The following PFKFB3 variants were observed in gnomAD, a reference collection of about 807,000 sequenced individuals.
The protein encoded by PFKFB3 is 6-phosphofructo-2-kinase/fructose-2,6-biphosphatase 3, also known as 6-phosphofructo-2-kinase/fructose-2,6-bisphosphatase 3.
In PFKFB3, 33 loss-of-function variants were observed where a neutral mutation model predicts 68.0. The observed-to-expected ratio is 0.49, with a 90% CI of 0.37 to 0.65. PFKFB3 has a LOEUF of 0.65. Among genes scored for constraint, PFKFB3 ranks in the 30% least tolerant of loss-of-function variants. PFKFB3 has a pLI of 0.00. For missense variants in PFKFB3, 586 were observed against 712.2 expected (o/e 0.82, Z 2.02); for synonymous variants, 315 against 288.2 (o/e 1.09, Z -0.94).
intron 14 of PFKFB3, among the ~76,000 whole-genome samples, chr10:6,245,518 G>T (rs977496671): frequency 6.6e-6 from 1 of 151,942 alleles, no homozygotes; most frequent in African/African-American, 2.4e-5. Flanking sequence ...CTAGGTTCAA[G>T]GGATCCTCCG....
At chr10:6,311,550 A>T in the PFKFB3 span, among the ~76,000 whole-genome samples, 20 of 152,082 alleles carry the variant, frequency 1.3e-4, no homozygotes, top group African/African-American at 4.8e-4. Context: ...GGAGCTCGAG[A>T]CCAGCCTGGC....
chr10:6,225,093 T>C (rs1340864042), intron 13 of PFKFB3: 4 of 456,006 alleles, frequency 8.8e-6, no homozygotes, highest in Non-Finnish European at 1.8e-5. Flanking sequence ...TGCCTCTGAC[T>C]GAGTAGAGTG....
chr10:6,181,922 G>GGAGCT (rs1842725710), intron 1 of PFKFB3, among the ~76,000 whole-genome samples: 1 of 152,060 alleles, frequency 6.6e-6, no homozygotes, highest in African/African-American at 2.4e-5. Flanking sequence ...GGGAGAATGG[G>GGAGCT]GAGCTGGTGT....
the PFKFB3 span, among the ~76,000 whole-genome samples, chr10:6,309,566 G>C: frequency 6.6e-6 from 1 of 152,190 alleles, no homozygotes; most frequent in Admixed American, 6.5e-5. Flanking sequence ...AGGTTGCAGT[G>C]AGCTGAGATT....
the PFKFB3 span, among the ~76,000 whole-genome samples, chr10:6,259,790 T>A: frequency 2.6e-5 from 4 of 152,228 alleles, no homozygotes; most frequent in African/African-American, 7.2e-5. Context: ...TTTGAGAATA[T>A]ACTAGAAACA....
At chr10:6,176,447 GC>G (rs1265076999) in intron 1 of PFKFB3, among the ~76,000 whole-genome samples, 4 of 152,114 alleles carry the variant, frequency 2.6e-5, no homozygotes, top group Non-Finnish European at 5.9e-5. Context: ...TCCCTCTGTT[GC>G]CCAGGCTGGA....
At chr10:6,302,385 T>TG in the PFKFB3 span, among the ~76,000 whole-genome samples, 11 of 128,202 alleles carry the variant, frequency 8.6e-5, no homozygotes, top group African/African-American at 3.4e-4. Context: ...TTTTTTTTTT[T>TG]TTTTTTTTTT....
upstream of PFKFB3, chr10:6,202,818 C>G: frequency 1.1e-6 from 1 of 937,628 alleles, no homozygotes; most frequent in Non-Finnish European, 1.3e-6. Flanking sequence ...CGCCCACCCT[C>G]CTCCCCACGT....
At chr10:6,287,673 T>A in the PFKFB3 span, among the ~76,000 whole-genome samples, 1 of 152,184 alleles carries the variant, frequency 6.6e-6, no homozygotes, top group Non-Finnish European at 1.5e-5. Flanking sequence ...GACACCTGAC[T>A]GTACTTTATA....
chr10:6,314,822 A>C, the PFKFB3 span, among the ~76,000 whole-genome samples: 4 of 152,178 alleles, frequency 2.6e-5, no homozygotes, highest in Non-Finnish European at 5.9e-5. Context: ...CGAACCCATC[A>C]TGAGAAGCTG....
At chr10:6,162,196 CG>C (rs1193939067) in intron 1 of PFKFB3, among the ~76,000 whole-genome samples, 2 of 152,190 alleles carry the variant, frequency 1.3e-5, no homozygotes, top group Non-Finnish European at 2.9e-5. Context: ...GGCTCATCCA[CG>C]TTGTAGCATG....
At chr10:6,231,242 C>G (rs1348466182) in intron 14 of PFKFB3, 19 of 1,474,134 alleles carry the variant, frequency 1.3e-5, no homozygotes, top group Non-Finnish European at 1.7e-5. Flanking sequence ...GTTTCTTCCT[C>G]TCCCCCACTC....
rs1845160269 is a variant in PFKFB3 at position 6,224,130 on chromosome 10, C to G, written c.1277-19C>G. Reference sequence around the variant, plus strand: ...CCCTTTAACAGCAGCTTCCTCTGCCCCCATCCCACGCCCTCCAGGCTGCCG... The same window carrying G: ...CCCTTTAACAGCAGCTTCCTCTGCCGCCATCCCACGCCCTCCAGGCTGCCG... On this transcript the variant is annotated intron_variant, in intron 12 of 14. Coordinates refer to ENST00000379775, the MANE Select transcript of PFKFB3 (RefSeq NM_004566.4). 6.2e-7 allele frequency: 1 copy of G among 1,614,120 alleles called. No individual in the cohort carries two copies. Among genetic ancestry groups the G allele is most frequent in the East Asian group, 2.2e-5 (1 of 44,888 alleles).
At chr10:6,192,292 C>G (rs879666359) in intron 1 of PFKFB3, among the ~76,000 whole-genome samples, 3 of 151,972 alleles carry the variant, frequency 2.0e-5, no homozygotes, top group Admixed American at 2.0e-4. Flanking sequence ...TCCAGCCCAG[C>G]CTGGAGGTTT....
chr10:6,250,095 A>C (rs1045921854), intron 14 of PFKFB3, among the ~76,000 whole-genome samples: 2 of 152,188 alleles, frequency 1.3e-5, no homozygotes, highest in Non-Finnish European at 2.9e-5. Context: ...CTCCTACTAC[A>C]GGGAAAGTGT....
chr10:6,235,257 A>G lies in PFKFB3; in HGVS notation c.*2315A>G, dbSNP rs1440604471. ...ATGATATTTTTCTTTGTAATACTTG[A>G]AATTTATTTTTTTATTATTTTGATA... On this transcript the variant is annotated 3_prime_UTR_variant, in exon 15 of 15. Coordinates refer to ENST00000379775, the MANE Select transcript of PFKFB3 (RefSeq NM_004566.4). 3 of 152,700 alleles carry G rather than the reference A, an allele frequency of 2.0e-5. No homozygotes were observed. The highest frequency in any genetic ancestry group is 6.6e-5 in the Admixed American group (1 of 15,262). The allele number at this position is 152,700 out of a possible 1,614,324, so 9.5% of individuals were successfully genotyped here. A position where few individuals can be genotyped will look rare whatever the true frequency, so the allele number is the denominator to read the frequency against.
rs1168293265 is a variant in PFKFB3 at position 6,219,414 on chromosome 10, C to G, written c.499-155C>G. 5 of 737,308 alleles carry G rather than the reference C, an allele frequency of 6.8e-6. No homozygotes were observed. The African/African-American group carries it at 8.7e-5, about 13-fold the overall frequency. 45.7% of individuals were successfully genotyped at this position (737,308 alleles called of 1,614,324 possible). A position where few individuals can be genotyped will look rare whatever the true frequency, so the allele number is the denominator to read the frequency against. The stretch of plus-strand genomic sequence containing the variant: ...TGTAACATCAGGCTGTGACTCAGCC[C>G]CCAGCATCTTTCTCCCTTTCTCTTA... On this transcript the variant is annotated intron_variant, in intron 6 of 14. Coordinates refer to ENST00000379775, the MANE Select transcript of PFKFB3 (RefSeq NM_004566.4).
At chr10:6,231,446 C>T (rs1022952080) in intron 14 of PFKFB3, 32 of 1,504,888 alleles carry the variant, frequency 2.1e-5, no homozygotes, top group Middle Eastern at 2.0e-4. Context: ...ACACCATTGT[C>T]GTGAGGTCCT....
At chr10:6,153,005 C>A (rs1204008979) in intron 1 of PFKFB3, among the ~76,000 whole-genome samples, 1 of 152,018 alleles carries the variant, frequency 6.6e-6, no homozygotes, top group African/African-American at 2.4e-5. Context: ...CATGGTGAAA[C>A]CCCATCTCTA....
Sources: gnomAD v4.1 joint callset for allele counts (sites outside exome capture counted in the v4.1 genomes callset) on GRCh38, gnomAD v4.1.1 for gene constraint, MANE v1.5 for transcripts, NCBI Gene and HGNC (gene_info 2026-07-23, HGNC 2026-07-21) for gene names.